The following NSD2 variants were observed in gnomAD, a reference collection of about 807,000 sequenced individuals.
NSD2 encodes histone-lysine N-methyltransferase NSD2.
In NSD2, 12 loss-of-function variants were observed where a neutral mutation model predicts 139.0. The observed-to-expected ratio is 0.09, with a 90% CI of 0.06 to 0.14. NSD2 has a LOEUF of 0.14. Ranked by LOEUF, NSD2 falls within the 10% of genes least tolerant of loss-of-function variation. The probability of loss-of-function intolerance (pLI) is 1.00; values close to 1 mark genes in which losing one functional copy is unlikely to be tolerated. For missense variants in NSD2, 1,155 were observed against 1,745.0 expected, an observed-to-expected ratio of 0.66 and a Z score of 6.02; for synonymous variants, 669 against 648.7, an observed-to-expected ratio of 1.03 and a Z score of -0.48.
At chr4:1,926,849 T>C (rs985968914) in intron 5 of NSD2, among the ~76,000 whole-genome samples, 8 of 152,228 alleles carry the variant, frequency 5.3e-5, no homozygotes, top group African/African-American at 1.7e-4. Context: ...ACCAGTGCTT[T>C]ATGTCAGTTC....
intron 6 of NSD2, 85 bp downstream of exon 6, chr4:1,930,855 G>A: frequency 6.7e-7 from 1 of 1,487,404 alleles, no homozygotes; most frequent in Admixed American, 2.0e-5. Flanking sequence ...GAACCGTAGG[G>A]AAGTGTGTCC....
intron 15 of NSD2, among the ~76,000 whole-genome samples, chr4:1,957,139 GAC>G (rs1294773159): frequency 6.6e-6 from 1 of 152,182 alleles, no homozygotes; most frequent in African/African-American, 2.4e-5. Context: ...CAGACCACAG[GAC>G]ACGTCTAGGG....
At chr4:1,898,137 A>T (rs368336519) in intron 1 of NSD2, among the ~76,000 whole-genome samples, 1 of 151,440 alleles carries the variant, frequency 6.6e-6, no homozygotes, top group East Asian at 2.0e-4. Flanking sequence ...TCCAGGTTGG[A>T]GTGCAGTAGT....
chr4:1,884,249 CT>C (rs1714916232), intron 1 of NSD2, among the ~76,000 whole-genome samples: 2 of 151,988 alleles, frequency 1.3e-5, no homozygotes, highest in African/African-American at 4.8e-5. Context: ...GTGCATGCTA[CT>C]GTGCCTGGCT....
At position 1,918,173 on chromosome 4, in the gene NSD2, C is replaced by T. The variant is rs201203687; in HGVS notation, c.960C>T (p.Ala320=). 1.9e-6 allele frequency: 3 copies of T among 1,612,482 alleles called. No individual in the cohort carries two copies. The highest frequency in any genetic ancestry group is 2.7e-5 in the African/African-American group (2 of 74,596). ...LLKPISGKLR[A]QWEMGIVQAE... is the part of the protein sequence containing the mutation. Reference sequence around the variant, plus strand: ...AACCAATTTCAGGGAAATTGAGGGCCCAGTGGGAAATGGGCATTGTTCAAG... The same window carrying T: ...AACCAATTTCAGGGAAATTGAGGGCTCAGTGGGAAATGGGCATTGTTCAAG... Residue 320 remains alanine (A), a synonymous_variant, in exon 5 of 22, where the codon GCC becomes GCT. Transcript: ENST00000508803.
intron 1 of NSD2, among the ~76,000 whole-genome samples, chr4:1,893,438 G>A (rs1183585714): frequency 6.6e-6 from 1 of 152,174 alleles, no homozygotes; most frequent in East Asian, 1.9e-4. Context: ...CACTGGCACA[G>A]TTCCAGCCTG....
intron 1 of NSD2, among the ~76,000 whole-genome samples, chr4:1,872,635 A>AGAGAGAGAGAGAGAGAGAGAGC (rs1179623184): frequency 5.8e-5 from 7 of 120,202 alleles, no homozygotes; most frequent in Admixed American, 9.4e-5. Flanking sequence ...AGAGAGAGAG[A>AGAGAGAGAGAGAGAGAGAGAGC]GCGCGCAGAC....
chr4:1,944,271 G>T (rs749761820), intron 9 of NSD2: 18 of 1,066,298 alleles, frequency 1.7e-5, no homozygotes, highest in Non-Finnish European at 2.0e-5. Flanking sequence ...TCCTGAAGGA[G>T]GTGGGTGGAA....
intron 5 of NSD2, among the ~76,000 whole-genome samples, chr4:1,928,040 C>G (rs899731852): frequency 2.6e-5 from 4 of 151,872 alleles, no homozygotes; most frequent in African/African-American, 9.7e-5. Context: ...CAGGCACTTG[C>G]CACCATACCC....
chr4:1,930,603 T>TGC, intron 5 of NSD2, 23 bp from the exon 6 acceptor site: 1 of 1,582,362 alleles, frequency 6.3e-7, no homozygotes, highest in Middle Eastern at 1.7e-4. Flanking sequence ...AACTTCTCAT[T>TGC]GCACCTTCTC....
intron 3 of NSD2, among the ~76,000 whole-genome samples, chr4:1,914,623 GC>G (rs1326377912): frequency 6.6e-6 from 1 of 152,206 alleles, no homozygotes; most frequent in Non-Finnish European, 1.5e-5. Flanking sequence ...ACTGTGCCTG[GC>G]CCAGAGTATG....
chr4:1,930,803 T>A (rs760249298), intron 6 of NSD2, 33 bp downstream of exon 6: 2 of 1,599,236 alleles, frequency 1.3e-6, no homozygotes, highest in Non-Finnish European at 8.5e-7. Context: ...GTCCTCTGCT[T>A]GGGTTGATGT....
In NSD2 at chr4:1,935,061, T is replaced by C. The variant is rs1722227894; in HGVS notation, c.1556-83T>C. On this transcript the variant is annotated intron_variant, in intron 6 of 21. Coordinates refer to ENST00000508803, the MANE Select transcript of NSD2 (RefSeq NM_001042424.3). ...TCATGGGCTGGATCTGTATGTTGAATGCCCTGGGTAGGTTCTCACAGTGCT... is the reference window on the plus strand; with the variant it reads ...TCATGGGCTGGATCTGTATGTTGAACGCCCTGGGTAGGTTCTCACAGTGCT... 3 of 991,310 alleles carry C rather than the reference T, an allele frequency of 3.0e-6. No homozygotes were observed. In the South Asian group the frequency reaches 5.2e-5, roughly 17 times the overall value. The allele number at this position is 991,310 out of a possible 1,614,324, so 61.4% of individuals were successfully genotyped here. A position where few individuals can be genotyped will look rare whatever the true frequency, so the allele number is the denominator to read the frequency against.
At chr4:1,959,830 A>G in intron 17 of NSD2, 90 bp downstream of exon 17, 1 of 1,520,364 alleles carries the variant, frequency 6.6e-7, no homozygotes, top group Non-Finnish European at 8.9e-7. Context: ...TTTTGTAGTC[A>G]TGTGAGAATG....
At chr4:1,887,682 T>C (rs1229452862) in intron 1 of NSD2, 1 of 152,230 alleles carries the variant, frequency 6.6e-6, no homozygotes, top group African/African-American at 2.4e-5. Flanking sequence ...ACCACACTTT[T>C]ATAGCAAGGT....
At chr4:1,906,491 C>T (rs1577403744) in intron 3 of NSD2, among the ~76,000 whole-genome samples, 1 of 151,910 alleles carries the variant, frequency 6.6e-6, no homozygotes, top group East Asian at 1.9e-4. Flanking sequence ...CCGCTTGCCT[C>T]GGCCTCCCAA....
Position 1,972,425 on chromosome 4 carries a change from A to G in NSD2, c.3373-2438A>G, listed in dbSNP as rs575503441. Among the ~76,000 whole-genome samples the G allele has an allele frequency of 6.6e-6, 1 of 152,372 alleles. No homozygotes were observed. The highest frequency in any genetic ancestry group is 1.5e-5 in the Non-Finnish European group (1 of 68,040). ...ACAGGCAATTTCAAAGTCCATGTAG[A>G]AGGAAAGATCTGCAGGTCTAGCCAG... is the stretch of plus-strand genomic sequence containing the variant. On this transcript the variant is annotated intron_variant, in intron 18 of 21. Transcript: ENST00000508803. The surrounding 1 kb of genome is among the most constrained non-coding windows in gnomAD (Gnocchi z 4.0).
At chr4:1,933,761 A>G (rs1721968942) in intron 6 of NSD2, among the ~76,000 whole-genome samples, 1 of 152,180 alleles carries the variant, frequency 6.6e-6, no homozygotes, top group Non-Finnish European at 1.5e-5. Context: ...AGTCATGCAA[A>G]TGATAATATT....
intron 9 of NSD2, chr4:1,947,530 A>C: frequency 9.5e-7 from 1 of 1,054,874 alleles, no homozygotes; most frequent in East Asian, 5.3e-5. Context: ...TTTAATAAAA[A>C]TTGTTATGAA....
Sources: gnomAD v4.1 joint callset for allele counts (sites outside exome capture counted in the v4.1 genomes callset) on GRCh38, gnomAD v4.1.1 for gene constraint, Gnocchi (gnomAD v3.1) non-coding constraint, MANE v1.5 for transcripts, NCBI Gene and HGNC (gene_info 2026-07-23, HGNC 2026-07-21) for gene names.